Variants in DAD1 observed in about 807,000 individuals in gnomAD.
DAD1 encodes dolichyl-diphosphooligosaccharide--protein glycosyltransferase subunit DAD1.
A neutral mutation model predicts 9.0 loss-of-function variants in DAD1; 4 were observed. The observed-to-expected ratio is 0.44, with a 90% CI of 0.22 to 1.01. The LOEUF is 1.01. Ranked by LOEUF, DAD1 falls within the 50% of genes least tolerant of loss-of-function variation. The pLI, the probability that DAD1 is intolerant of heterozygous loss-of-function variation, is 0.24. For synonymous variants in DAD1, 60 were observed against 62.5 expected, an observed-to-expected ratio of 0.96 and a Z score of 0.19; for missense variants, 119 against 137.3, an observed-to-expected ratio of 0.87 and a Z score of 0.67.
At chr14:22,571,910 A>G (rs5742817) in intron 2 of DAD1, among the ~76,000 whole-genome samples, 14,084 of 152,202 alleles carry the variant, frequency 0.093, 1,196 homozygotes, top group African/African-American at 0.22. Context: ...GATTACAGGC[A>G]TCAGCCACCG....
At chr14:22,579,438 T>C (rs1001155565) in intron 1 of DAD1, among the ~76,000 whole-genome samples, 27 of 152,232 alleles carry the variant, frequency 1.8e-4, no homozygotes, top group Admixed American at 2.0e-4. Flanking sequence ...GTTTTCATTA[T>C]GCTTAAACAT....
chr14:22,575,167 G>A lies in DAD1; in HGVS notation c.278C>T (p.Ala93Val). The A allele has an allele frequency of 6.2e-7, 1 of 1,614,156 alleles. No individual in the cohort carries two copies. Among genetic ancestry groups the A allele is most frequent in the Non-Finnish European group, 8.5e-7 (1 of 1,180,018 alleles). Residue 93 changes from alanine (A) to valine (V), a missense_variant, in exon 2 of 3, where the codon GCC (alanine) becomes GTC (valine). Ala to Val is a moderately conservative substitution (Grantham distance 64). Coordinates refer to ENST00000250498, the MANE Select transcript of DAD1 (RefSeq NM_001344.4). Reference sequence around the variant, plus strand: ...GCTGGCAAAGAGAAAATCAGCAAAGGCTCGCTCTGGGGAGATGCCTTGGAA... The same window carrying A: ...GCTGGCAAAGAGAAAATCAGCAAAGACTCGCTCTGGGGAGATGCCTTGGAA... The part of the protein sequence containing the change: ...ADFQGISPER[A>V]FADFLFASTI...
Position 22,589,020 on chromosome 14 carries a change from G to A in DAD1, c.138C>T (p.Leu46=). Residue 46 remains leucine (L), a synonymous_variant, in exon 1 of 3, where the codon CTC becomes CTT. Transcript: ENST00000250498. ...AGTTGAAGGGGAAGGTCCCCACGAG[G>A]AGACAGTAACCGAACTGCAGCGCCC... The part of the protein sequence containing the change: ...LTGALQFGYC[L]LVGTFPFNSF... The A allele has an allele frequency of 6.2e-7, 1 of 1,614,218 alleles. No individual in the cohort carries two copies. The highest frequency in any genetic ancestry group is 8.5e-7 in the Non-Finnish European group (1 of 1,180,044).
chr14:22,586,408 G>A (rs927004181), intron 1 of DAD1, among the ~76,000 whole-genome samples: 1 of 152,102 alleles, frequency 6.6e-6, no homozygotes, highest in African/African-American at 2.4e-5. Flanking sequence ...CGCCGGGCGT[G>A]GTGGCACATG....
chr14:22,579,455 AC>A (rs1055601597), intron 1 of DAD1, among the ~76,000 whole-genome samples: 1 of 152,234 alleles, frequency 6.6e-6, no homozygotes, highest in Non-Finnish European at 1.5e-5. Flanking sequence ...ACATGTAAAC[AC>A]CATGGAAGCA....
intron 1 of DAD1, among the ~76,000 whole-genome samples, chr14:22,585,989 G>A (rs1178503624): frequency 1.3e-5 from 2 of 151,284 alleles, no homozygotes; most frequent in Non-Finnish European, 3.0e-5. Context: ...GGCGAATCAC[G>A]AGGTCAGGAG....
Position 22,565,059 on chromosome 14 carries a change from GT to G in DAD1, c.*122del, listed in dbSNP as rs1301598770. ...GCATAAAAAGCAGAGCTAGCAGTAA[GT>G]GCAAATCTGAAGAAAATCCATGTGT... On this transcript the variant is annotated 3_prime_UTR_variant, in exon 3 of 3. Coordinates refer to ENST00000250498, the MANE Select transcript of DAD1 (RefSeq NM_001344.4). 1.3e-5 allele frequency: 9 copies of G among 700,868 alleles called. No homozygotes were observed. Among genetic ancestry groups the G allele is most frequent in the Non-Finnish European group, 2.3e-5 (9 of 384,340 alleles). 43.4% of individuals were successfully genotyped at this position (700,868 alleles called of 1,614,324 possible).
chr14:22,564,998 T>C lies in DAD1; in HGVS notation c.*184A>G. Reference sequence around the variant, plus strand: ...GATTAATAAATGTTTGTTAGAAAGTTGTTCTGACACACAGTGAACTCTGGG... The same window carrying C: ...GATTAATAAATGTTTGTTAGAAAGTCGTTCTGACACACAGTGAACTCTGGG... On this transcript the variant is annotated 3_prime_UTR_variant, in exon 3 of 3. Transcript: ENST00000250498. 1 of 623,360 alleles carries C rather than the reference T, an allele frequency of 1.6e-6. No individual in the cohort carries two copies. The highest frequency in any genetic ancestry group is 2.9e-6 in the Non-Finnish European group (1 of 346,756). The allele number at this position is 623,360 out of a possible 1,614,324, so 38.6% of individuals were successfully genotyped here. A position where few individuals can be genotyped will look rare whatever the true frequency, so the allele number is the denominator to read the frequency against.
At chr14:22,577,218 G>A (rs1213173784) in intron 1 of DAD1, among the ~76,000 whole-genome samples, 4 of 152,168 alleles carry the variant, frequency 2.6e-5, no homozygotes, top group Non-Finnish European at 4.4e-5. Context: ...CGGATCACCC[G>A]AGGTCAGGAG....
intron 1 of DAD1, among the ~76,000 whole-genome samples, chr14:22,578,815 T>C (rs572423552): frequency 1.3e-5 from 2 of 152,130 alleles, no homozygotes; most frequent in African/African-American, 2.4e-5. Flanking sequence ...GGAAAAAAAA[T>C]ATTACTTCTC....
intron 1 of DAD1, among the ~76,000 whole-genome samples, chr14:22,580,014 G>A (rs918678284): frequency 7.3e-5 from 11 of 151,542 alleles, no homozygotes; most frequent in Non-Finnish European, 1.5e-4. Context: ...TAATTTTTTT[G>A]TTTGTTTTTG....
At chr14:22,576,691 G>A (rs975000459) in intron 1 of DAD1, among the ~76,000 whole-genome samples, 41 of 152,108 alleles carry the variant, frequency 2.7e-4, no homozygotes, top group African/African-American at 8.5e-4. Context: ...AGGCACCTAC[G>A]GAATGGGGAA....
At position 22,589,158 on chromosome 14, in the gene DAD1, A is replaced by G; in HGVS notation, c.-1T>C. 1.2e-6 allele frequency: 2 copies of G among 1,614,178 alleles called. No individual in the cohort carries two copies. Among genetic ancestry groups the G allele is most frequent in the Non-Finnish European group, 1.7e-6 (2 of 1,180,020 alleles). ...TGACAGACACTACCGACGCCGACAT[A>G]ACTGCACGCAAGGTACTCCGGTCCG... On this transcript the variant is annotated 5_prime_UTR_variant, in exon 1 of 3. Transcript: ENST00000250498.
chr14:22,569,257 A>C (rs2037021782), intron 2 of DAD1, among the ~76,000 whole-genome samples: 1 of 144,652 alleles, frequency 6.9e-6, no homozygotes, highest in Non-Finnish European at 1.5e-5. Context: ...ACATGGTGAA[A>C]CCATGTCTCT....
intron 1 of DAD1, among the ~76,000 whole-genome samples, chr14:22,587,799 C>G (rs1329046499): frequency 1.3e-5 from 2 of 150,400 alleles, no homozygotes; most frequent in Admixed American, 1.3e-4. Flanking sequence ...AGTGCAATGG[C>G]ACGATCTCGG....
intron 1 of DAD1, among the ~76,000 whole-genome samples, chr14:22,582,621 C>A (rs2037125186): frequency 6.6e-6 from 1 of 152,274 alleles, no homozygotes; most frequent in Admixed American, 6.5e-5. Flanking sequence ...GACATACAGG[C>A]TATATTTTGG....
At chr14:22,588,720 AC>A in intron 1 of DAD1, among the ~76,000 whole-genome samples, 1 of 152,352 alleles carries the variant, frequency 6.6e-6, no homozygotes, top group Non-Finnish European at 1.5e-5. Flanking sequence ...GAGTAGCGGC[AC>A]GAAGGTGGTT....
At position 22,576,983 on chromosome 14, in the gene DAD1, G is replaced by A. The variant is rs537985879; in HGVS notation, c.212-1750C>T. On this transcript the variant is annotated intron_variant, in intron 1 of 2. Coordinates refer to ENST00000250498, the MANE Select transcript of DAD1 (RefSeq NM_001344.4). ...AAAAACAAGAGTTGGCAAGAATGCA[G>A]AGAAACTGAAACCCTTGTGCACTAA... 5.3e-5 allele frequency among the ~76,000 whole-genome samples: 8 copies of A among 152,322 alleles called. No individual in the cohort carries two copies. The South Asian group carries it at 1.4e-3, about 28-fold the overall frequency.
chr14:22,587,261 G>C (rs1441441745), intron 1 of DAD1, among the ~76,000 whole-genome samples: 1 of 152,198 alleles, frequency 6.6e-6, no homozygotes, highest in Non-Finnish European at 1.5e-5. Context: ...TATGAAGGCA[G>C]GGTGACTTCT....
Sources: gnomAD v4.1 joint callset for allele counts (sites outside exome capture counted in the v4.1 genomes callset) on GRCh38, gnomAD v4.1.1 for gene constraint, MANE v1.5 for transcripts, NCBI Gene and HGNC (gene_info 2026-07-23, HGNC 2026-07-21) for gene names.